The following EXOC6B variants were observed in gnomAD, a reference collection of about 807,000 sequenced individuals.
The protein encoded by EXOC6B is exocyst complex component 6B, also known as SEC15 homolog B.
In EXOC6B, 54 loss-of-function variants were observed where a neutral mutation model predicts 113.5. That is an observed-to-expected ratio of 0.48 (90% confidence interval 0.38 to 0.60). The LOEUF (loss-of-function observed/expected upper bound fraction) is 0.60. Ranked by LOEUF, EXOC6B falls within the 20% of genes least tolerant of loss-of-function variation. The pLI, the probability that EXOC6B is intolerant of heterozygous loss-of-function variation, is 0.00. For synonymous variants in EXOC6B, 357 were observed against 339.0 expected (o/e 1.05, Z -0.58); for missense variants, 797 against 977.5 (o/e 0.82, Z 2.46).
chr2:72,582,694 A>C (rs1398931355), intron 6 of EXOC6B, among the ~76,000 whole-genome samples: 1 of 152,114 alleles, frequency 6.6e-6, no homozygotes, highest in East Asian at 1.9e-4. Flanking sequence ...AAGCAGTACA[A>C]ATATTCTGGC....
chr2:72,782,490 G>A (rs1489597740), intron 1 of EXOC6B, among the ~76,000 whole-genome samples: 1 of 152,018 alleles, frequency 6.6e-6, no homozygotes, highest in Admixed American at 6.6e-5. Flanking sequence ...GATACTTAAG[G>A]TGTCCATCAC....
chr2:72,467,880 C>T (rs1191594544), intron 17 of EXOC6B, among the ~76,000 whole-genome samples: 1 of 152,054 alleles, frequency 6.6e-6, no homozygotes, highest in African/African-American at 2.4e-5. Flanking sequence ...AAGCGATTCT[C>T]CTGCCTCACC....
intron 20 of EXOC6B, among the ~76,000 whole-genome samples, chr2:72,314,515 C>T (rs1687393571): frequency 6.6e-6 from 1 of 152,138 alleles, no homozygotes; most frequent in Non-Finnish European, 1.5e-5. Flanking sequence ...GTTTTTCTCT[C>T]CGTACCAAAT....
At chr2:72,576,543 G>A (rs987453162) in intron 6 of EXOC6B, among the ~76,000 whole-genome samples, 1 of 152,096 alleles carries the variant, frequency 6.6e-6, no homozygotes, top group African/African-American at 2.4e-5. Context: ...TGGTAAATCA[G>A]AAGCTCAAAG....
At chr2:72,397,666 A>G in intron 18 of EXOC6B, among the ~76,000 whole-genome samples, 2 of 150,444 alleles carry the variant, frequency 1.3e-5, no homozygotes, top group Middle Eastern at 3.4e-3. Flanking sequence ...AAAATTATAT[A>G]TATATACACT....
intron 19 of EXOC6B, among the ~76,000 whole-genome samples, chr2:72,370,229 G>A (rs1405769994): frequency 6.6e-6 from 1 of 152,190 alleles, no homozygotes; most frequent in Admixed American, 6.5e-5. Flanking sequence ...CTCAAAAGAA[G>A]ACATTGATGC....
At chr2:72,467,743 C>T (rs541077285) in intron 17 of EXOC6B, among the ~76,000 whole-genome samples, 3 of 151,632 alleles carry the variant, frequency 2.0e-5, no homozygotes, top group Non-Finnish European at 4.4e-5. Flanking sequence ...TCAGCTGTAT[C>T]GTTTGCAAAT....
chr2:72,629,348 T>C (rs1362861274), intron 6 of EXOC6B, among the ~76,000 whole-genome samples: 6 of 152,198 alleles, frequency 3.9e-5, no homozygotes, highest in African/African-American at 1.4e-4. Context: ...CATGCACTGC[T>C]TGTAAACTGT....
At chr2:72,650,589 G>A (rs527758182) in intron 6 of EXOC6B, among the ~76,000 whole-genome samples, 9 of 145,454 alleles carry the variant, frequency 6.2e-5, no homozygotes, top group African/African-American at 1.5e-4. Flanking sequence ...GGTAGACTCC[G>A]TCTGAAAGAA....
At chr2:72,512,665 G>T (rs561967266) in intron 11 of EXOC6B, among the ~76,000 whole-genome samples, 1 of 151,980 alleles carries the variant, frequency 6.6e-6, no homozygotes. Context: ...AAGGCAAAAT[G>T]GTATAGTGGC....
At chr2:72,753,163 C>T (rs1475929554) in intron 1 of EXOC6B, among the ~76,000 whole-genome samples, 1 of 151,894 alleles carries the variant, frequency 6.6e-6, no homozygotes, top group Non-Finnish European at 1.5e-5. Context: ...CCCAGCCACT[C>T]AGGAGGCTGA....
At chr2:72,371,002 A>T (rs188174734) in intron 19 of EXOC6B, among the ~76,000 whole-genome samples, 1,833 of 151,230 alleles carry the variant, frequency 0.012, 16 homozygotes, top group Non-Finnish European at 0.016. Context: ...GTATAATAAA[A>T]ATATATATAT....
At chr2:72,620,334 G>C (rs1282380471) in intron 6 of EXOC6B, among the ~76,000 whole-genome samples, 1 of 152,172 alleles carries the variant, frequency 6.6e-6, no homozygotes, top group Non-Finnish European at 1.5e-5. Context: ...ATGGCTAATA[G>C]ATGCTGGGCT....
intron 20 of EXOC6B, among the ~76,000 whole-genome samples, chr2:72,308,212 C>G (rs956602302): frequency 6.6e-6 from 1 of 152,176 alleles, no homozygotes; most frequent in Non-Finnish European, 1.5e-5. Flanking sequence ...AGGAAATGCC[C>G]ATGTGTCCAC....
Position 72,559,441 on chromosome 2 carries a change from A to T in EXOC6B, c.915+12T>A. ...GGACATCTTTATTAGGCAGAGCCAG[A>T]TAAAGACTCACCAGGACAGAATATA... is the stretch of plus-strand genomic sequence containing the variant. On this transcript the variant is annotated intron_variant, in intron 8 of 21. Transcript: ENST00000272427. The T allele has an allele frequency of 6.4e-7, 1 of 1,561,494 alleles. No individual in the cohort carries two copies. The highest frequency in any genetic ancestry group is 8.6e-7 in the Non-Finnish European group (1 of 1,156,090).
chr2:72,416,741 C>T (rs1406163362), intron 18 of EXOC6B, among the ~76,000 whole-genome samples: 1 of 152,090 alleles, frequency 6.6e-6, no homozygotes, highest in South Asian at 2.1e-4. Flanking sequence ...ATAGAATATG[C>T]CTCCTCTCCA....
chr2:72,436,936 T>C (rs1473207499), intron 18 of EXOC6B, among the ~76,000 whole-genome samples: 1 of 152,192 alleles, frequency 6.6e-6, no homozygotes, highest in Non-Finnish European at 1.5e-5. Flanking sequence ...TCCAGTTTTG[T>C]TCTCTTGCTT....
intron 19 of EXOC6B, among the ~76,000 whole-genome samples, chr2:72,335,795 C>T (rs1688660809): frequency 6.6e-6 from 1 of 152,100 alleles, no homozygotes; most frequent in Non-Finnish European, 1.5e-5. Flanking sequence ...TCTCCTTTCT[C>T]TACCCCAATT....
intron 18 of EXOC6B, among the ~76,000 whole-genome samples, chr2:72,447,421 T>C (rs1696654829): frequency 6.6e-6 from 1 of 152,212 alleles, no homozygotes; most frequent in African/African-American, 2.4e-5. Context: ...CTATTTGATA[T>C]ACCTTCAAAT....
Sources: gnomAD v4.1 joint callset for allele counts (sites outside exome capture counted in the v4.1 genomes callset) on GRCh38, gnomAD v4.1.1 for gene constraint, MANE v1.5 for transcripts, NCBI Gene and HGNC (gene_info 2026-07-23, HGNC 2026-07-21) for gene names.